Variants in CDH13 observed in about 807,000 individuals in gnomAD.
CDH13 encodes the protein cadherin-13.
A neutral mutation model predicts 63.8 loss-of-function variants in CDH13; 24 were observed. That is an observed-to-expected ratio of 0.38 (90% confidence interval 0.27 to 0.53). CDH13 has a LOEUF of 0.53. Ranked by LOEUF, CDH13 falls within the 20% of genes least tolerant of loss-of-function variation. The pLI is 0.85. For synonymous variants in CDH13, 503 were observed against 355.3 expected (o/e 1.42, Z -4.67); for missense variants, 1,049 against 903.1 (o/e 1.16, Z -2.07).
At chr16:83,413,955 C>G (rs1373833308) in intron 6 of CDH13, among the ~76,000 whole-genome samples, 1 of 152,138 alleles carries the variant, frequency 6.6e-6, no homozygotes, top group Non-Finnish European at 1.5e-5. Context: ...TCACTCACCA[C>G]TGTACTCCAG....
chr16:82,916,652 C>G (rs1172243448), intron 2 of CDH13, among the ~76,000 whole-genome samples: 4 of 151,712 alleles, frequency 2.6e-5, no homozygotes, highest in African/African-American at 7.3e-5. Context: ...TCTCATAAAG[C>G]CCAGTAGCAT....
chr16:83,393,418 C>T (rs2091825731), intron 6 of CDH13, among the ~76,000 whole-genome samples: 1 of 152,048 alleles, frequency 6.6e-6, no homozygotes. Context: ...TGATCCTTTC[C>T]CTAGAGATGT....
chr16:83,542,236 T>C (rs1291258714), intron 7 of CDH13, among the ~76,000 whole-genome samples: 4 of 152,212 alleles, frequency 2.6e-5, no homozygotes, highest in Admixed American at 2.0e-4. Flanking sequence ...GGTTGCACCT[T>C]AGAGTCACCC....
At chr16:83,130,578 T>C (rs1597387428) in intron 4 of CDH13, among the ~76,000 whole-genome samples, 1 of 152,258 alleles carries the variant, frequency 6.6e-6, no homozygotes, top group Non-Finnish European at 1.5e-5. Flanking sequence ...ATGTTAGTGG[T>C]AGAATATAAG....
intron 6 of CDH13, among the ~76,000 whole-genome samples, chr16:83,399,847 A>G (rs1391824801): frequency 6.6e-6 from 1 of 152,138 alleles, no homozygotes; most frequent in Admixed American, 6.5e-5. Flanking sequence ...CAGGCATTCA[A>G]ACAGCTGTGA....
chr16:83,268,191 A>G (rs2088683310), intron 5 of CDH13, among the ~76,000 whole-genome samples: 1 of 152,208 alleles, frequency 6.6e-6, no homozygotes, highest in South Asian at 2.1e-4. Context: ...CATTAACTGT[A>G]CTGCAGTTTG....
intron 7 of CDH13, among the ~76,000 whole-genome samples, chr16:83,529,063 C>G (rs186035142): frequency 6.7e-6 from 1 of 150,338 alleles, no homozygotes; most frequent in Admixed American, 6.6e-5. Flanking sequence ...TCATTCCACC[C>G]AAACCCCCTC....
chr16:82,943,815 C>T (rs918470363), intron 2 of CDH13, among the ~76,000 whole-genome samples: 4 of 152,190 alleles, frequency 2.6e-5, no homozygotes, highest in Non-Finnish European at 5.9e-5. Context: ...AGACAAAATG[C>T]TATTAATAAT....
Position 83,564,935 on chromosome 16 carries a change from T to TTTTG in CDH13, c.961-37504_961-37501dup, listed in dbSNP as rs758226532. On this transcript the variant is annotated intron_variant, in intron 7 of 13. Transcript: ENST00000567109. ...GTTGGTTTTGTTGTTGTTGTTGTTG[T>TTTTG]TTTGTTTGTTTGTTTGTTGTTTTCA... Among the ~76,000 whole-genome samples, 94 of 152,230 alleles carry TTTTG rather than the reference T, an allele frequency of 6.2e-4. 1 individual carries two copies. The highest frequency in any genetic ancestry group is 2.1e-3 in the African/African-American group (88 of 41,536).
At chr16:83,142,842 C>T (rs1188661059) in intron 4 of CDH13, among the ~76,000 whole-genome samples, 1 of 152,158 alleles carries the variant, frequency 6.6e-6, no homozygotes, top group African/African-American at 2.4e-5. Flanking sequence ...GTGGCTTATA[C>T]CTGGAATCCC....
chr16:83,226,532 T>G (rs1243604995), intron 5 of CDH13, among the ~76,000 whole-genome samples: 1 of 152,196 alleles, frequency 6.6e-6, no homozygotes, highest in South Asian at 2.1e-4. Flanking sequence ...TTAGCACACA[T>G]CCATGGAATG....
intron 3 of CDH13, among the ~76,000 whole-genome samples, chr16:83,043,726 G>A (rs1040430213): frequency 2.6e-5 from 4 of 151,798 alleles, no homozygotes; most frequent in Non-Finnish European, 5.9e-5. Flanking sequence ...GGGCATGGTG[G>A]TGCATGCCTG....
At chr16:83,023,026 T>G (rs1314917675) in intron 2 of CDH13, 1 of 152,248 alleles carries the variant, frequency 6.6e-6, no homozygotes. Flanking sequence ...GTAGGAAATC[T>G]ATGCCTTTTG....
rs1555519461 is a variant in CDH13, at chr16:82,797,807, G to GTA, written c.46-60552_46-60551dup. On this transcript the variant is annotated intron_variant, in intron 1 of 13. Transcript: ENST00000567109. ...TGTGTGTGTGTGTGTGTGTGTGTGTGTATACATGTGTATGTGTACATACTT... is the reference window on the plus strand; with the variant it reads ...TGTGTGTGTGTGTGTGTGTGTGTGTGTATATACATGTGTATGTGTACATACTT... Among the ~76,000 whole-genome samples, 541 of 150,278 alleles carry GTA rather than the reference G, an allele frequency of 3.6e-3. 8 individuals carry two copies. The highest frequency in any genetic ancestry group is 0.012 in the African/African-American group (507 of 40,760).
chr16:82,699,757 CGT>C (rs140293681), intron 1 of CDH13, among the ~76,000 whole-genome samples: 3,471 of 152,264 alleles, frequency 0.023, 72 homozygotes, highest in Middle Eastern at 0.048. Flanking sequence ...ACAGAACAAA[CGT>C]AACAGGATAT....
intron 1 of CDH13, among the ~76,000 whole-genome samples, chr16:82,711,376 G>C (rs1288030215): frequency 6.6e-6 from 1 of 152,098 alleles, no homozygotes; most frequent in Admixed American, 6.5e-5. Context: ...GTCTAGCATT[G>C]AGCGGTGGCA....
intron 13 of CDH13, among the ~76,000 whole-genome samples, chr16:83,786,080 G>A (rs527951006): frequency 1.1e-4 from 16 of 152,136 alleles, no homozygotes; most frequent in African/African-American, 3.4e-4. Context: ...AGGAGGGTAC[G>A]GTGAGATGAC....
chr16:83,085,283 T>C (rs2033514102), intron 3 of CDH13, among the ~76,000 whole-genome samples: 1 of 152,128 alleles, frequency 6.6e-6, no homozygotes, highest in Non-Finnish European at 1.5e-5. Context: ...ATTTATTCAC[T>C]ATCATGAGAA....
intron 2 of CDH13, among the ~76,000 whole-genome samples, chr16:82,999,589 C>G (rs372001486): frequency 6.6e-6 from 1 of 152,214 alleles, no homozygotes; most frequent in South Asian, 2.1e-4. Context: ...AGAGTTTAAG[C>G]ATGACACCAA....
Sources: allele counts gnomAD v4.1 joint callset (sites outside exome capture counted in the v4.1 genomes callset), GRCh38; gene constraint gnomAD v4.1.1; transcripts MANE v1.5; gene names NCBI Gene and HGNC (gene_info 2026-07-23, HGNC 2026-07-21).